CTBP2: variants seen among roughly 807,000 people sequenced by gnomAD.
CTBP2 encodes the protein C-terminal-binding protein 2.
In CTBP2, 30 loss-of-function variants were observed where a neutral mutation model predicts 80.3. The observed-to-expected ratio is 0.37, with a 90% confidence interval of 0.28 to 0.51. The LOEUF (loss-of-function observed/expected upper bound fraction) is 0.51, where lower values mean the gene tolerates loss of function less well. CTBP2 is among the 20% of genes least tolerant of loss of function. The pLI is 0.93. For synonymous variants in CTBP2, 594 were observed against 587.4 expected, an observed-to-expected ratio of 1.01 and a Z score of -0.16; for missense variants, 1,212 against 1,375.3, an observed-to-expected ratio of 0.88 and a Z score of 1.88.
At chr10:125,095,736 C>T (rs1382200759) in intron 2 of CTBP2, among the ~76,000 whole-genome samples, 1 of 152,154 alleles carries the variant, frequency 6.6e-6, no homozygotes, top group Non-Finnish European at 1.5e-5. Flanking sequence ...AGGGACAGGG[C>T]CTGGGGATTC....
chr10:124,998,179 G>A lies in CTBP2; in HGVS notation c.1979-9C>T, dbSNP rs767645004. On this transcript the variant is annotated splice_polypyrimidine_tract_variant and intron_variant, in intron 3 of 8. Coordinates refer to ENST00000309035, the MANE Select transcript of CTBP2 (RefSeq NM_022802.3). Reference sequence around the variant, plus strand: ...GTTGCACACGGCAATTCCTGAAAGGGATGAGGCCAAGGCCGGAGATGAGAA... The same window carrying A: ...GTTGCACACGGCAATTCCTGAAAGGAATGAGGCCAAGGCCGGAGATGAGAA... 4.4e-5 allele frequency: 71 copies of A among 1,598,774 alleles called. No individual in the cohort carries two copies. Among genetic ancestry groups the A allele is most frequent in the Non-Finnish European group, 5.7e-5 (67 of 1,173,752 alleles).
upstream of CTBP2, among the ~76,000 whole-genome samples, chr10:125,031,870 AC>A (rs1343668240): frequency 1.3e-5 from 2 of 152,254 alleles, no homozygotes; most frequent in South Asian, 4.1e-4. Context: ...GTCTGAACCA[AC>A]CCAGCCTTTT....
intron 2 of CTBP2, among the ~76,000 whole-genome samples, chr10:125,062,153 G>T (rs572324572): frequency 6.6e-6 from 1 of 152,140 alleles, no homozygotes; most frequent in East Asian, 1.9e-4. Context: ...GACTCAAAAC[G>T]GTGCCTACAG....
rs188486009 is a variant in CTBP2 at position 125,035,903 on chromosome 10, G to A, written c.58+3094C>T. Reference sequence around the variant, plus strand: ...TTCTGATCAGCCTGTGTTACGAGAGGGCTCCTTCGTAATAATTCTTACATG... The same window carrying A: ...TTCTGATCAGCCTGTGTTACGAGAGAGCTCCTTCGTAATAATTCTTACATG... On this transcript the variant is annotated intron_variant, in intron 3 of 10. Transcript: ENST00000337195. 2.9e-3 allele frequency among the ~76,000 whole-genome samples: 449 copies of A among 152,230 alleles called. 1 individual carries two copies. The highest frequency in any genetic ancestry group is 4.8e-3 in the Non-Finnish European group (328 of 68,018).
chr10:125,117,727 C>T (rs551955903), intron 1 of CTBP2, among the ~76,000 whole-genome samples: 1 of 152,204 alleles, frequency 6.6e-6, no homozygotes, highest in South Asian at 2.1e-4. Context: ...TCAATTCCAC[C>T]AACTATTGCC....
At chr10:125,002,707 G>A (rs12414632) in intron 3 of CTBP2, among the ~76,000 whole-genome samples, 4,509 of 152,296 alleles carry the variant, frequency 0.03, 98 homozygotes, top group Admixed American at 0.07. Context: ...GTGCCAGCTG[G>A]GTGTTGCTCT....
At chr10:125,006,732 T>C (rs1955292170) in intron 1 of CTBP2, among the ~76,000 whole-genome samples, 3 of 152,212 alleles carry the variant, frequency 2.0e-5, no homozygotes, top group Admixed American at 2.0e-4. Flanking sequence ...CAGAGTAAGA[T>C]TCATATACAT....
upstream of CTBP2, among the ~76,000 whole-genome samples, chr10:125,161,360 T>TGAA: frequency 6.6e-6 from 1 of 151,774 alleles, no homozygotes; most frequent in African/African-American, 2.4e-5. Flanking sequence ...TGGCCCTTCA[T>TGAA]CCTCCTCCGC....
At chr10:125,032,452 G>A (rs1441284185), upstream of CTBP2, among the ~76,000 whole-genome samples, 1 of 152,188 alleles carries the variant, frequency 6.6e-6, no homozygotes, top group Non-Finnish European at 1.5e-5. Flanking sequence ...CTCCTAATCA[G>A]GGCTGGCTCA....
At chr10:125,120,735 T>TTCACTAC (rs1854179736) in intron 1 of CTBP2, among the ~76,000 whole-genome samples, 1 of 152,182 alleles carries the variant, frequency 6.6e-6, no homozygotes, top group South Asian at 2.1e-4. Context: ...TGGAGTGCAG[T>TTCACTAC]GGCATGATCA....
At chr10:125,055,822 G>A (rs1963779799) in intron 2 of CTBP2, among the ~76,000 whole-genome samples, 1 of 152,218 alleles carries the variant, frequency 6.6e-6, no homozygotes, top group African/African-American at 2.4e-5. Flanking sequence ...CTGTGGGAAG[G>A]AGGAGGCTCC....
chr10:125,030,086 C>T (rs556297465), upstream of CTBP2, among the ~76,000 whole-genome samples: 24 of 152,138 alleles, frequency 1.6e-4, no homozygotes, highest in South Asian at 3.9e-3. Flanking sequence ...TGTTTTCCTG[C>T]GCTAGGTAAA....
chr10:125,060,983 G>A (rs535869383), intron 2 of CTBP2, among the ~76,000 whole-genome samples: 3 of 152,252 alleles, frequency 2.0e-5, no homozygotes, highest in Admixed American at 6.5e-5. Flanking sequence ...AGGGGTGCAC[G>A]CTAGGGCAGC....
intron 2 of CTBP2, among the ~76,000 whole-genome samples, chr10:125,059,703 T>C (rs747453010): frequency 6.6e-6 from 1 of 152,140 alleles, no homozygotes; most frequent in Non-Finnish European, 1.5e-5. Flanking sequence ...CCAGAAGCCA[T>C]GCTCCAAGGC....
chr10:124,992,448 A>G (rs1952796277), intron 8 of CTBP2, among the ~76,000 whole-genome samples: 1 of 152,128 alleles, frequency 6.6e-6, no homozygotes, highest in South Asian at 2.1e-4. Flanking sequence ...GGCAGTTCCT[A>G]GCACCTGTGG....
At chr10:125,060,236 GA>G (rs1964694817) in intron 2 of CTBP2, among the ~76,000 whole-genome samples, 2 of 51,834 alleles carry the variant, frequency 3.9e-5, no homozygotes, top group South Asian at 2.0e-3. Context: ...GCTGCCAAGG[GA>G]ATCCGCAGAG....
intron 1 of CTBP2, among the ~76,000 whole-genome samples, chr10:125,025,238 C>T (rs11245469): frequency 0.23 from 34,875 of 151,984 alleles, 4,232 homozygotes; most frequent in East Asian, 0.28. Flanking sequence ...AGGAAGAAAA[C>T]TGATTTACAT....
chr10:125,040,623 C>CACACACAG (rs1413189027), intron 2 of CTBP2, among the ~76,000 whole-genome samples: 3 of 150,866 alleles, frequency 2.0e-5, no homozygotes, highest in Non-Finnish European at 4.4e-5. Flanking sequence ...CACACACACA[C>CACACACAG]ACAGAAAAAG....
chr10:125,077,517 C>A (rs545958375), intron 2 of CTBP2, among the ~76,000 whole-genome samples: 3 of 152,316 alleles, frequency 2.0e-5, no homozygotes, highest in Admixed American at 2.0e-4. Flanking sequence ...CTCACTCACC[C>A]CCTCACCAGG....
Sources: gnomAD v4.1 joint callset for allele counts (sites outside exome capture counted in the v4.1 genomes callset) on GRCh38, gnomAD v4.1.1 for gene constraint, MANE v1.5 for transcripts, NCBI Gene and HGNC (gene_info 2026-07-23, HGNC 2026-07-21) for gene names.